Variants in GRIK2 observed in about 807,000 individuals in gnomAD.
GRIK2 encodes the protein glutamate receptor ionotropic, kainate 2.
GRIK2 carries 32 observed loss-of-function variants against 100.3 expected under a neutral mutation model. The observed-to-expected ratio is 0.32, with a 90% CI of 0.24 to 0.43. The LOEUF is 0.43. Ranked by LOEUF, GRIK2 falls within the 20% of genes least tolerant of loss-of-function variation. The probability of loss-of-function intolerance (pLI) is 1.00; values close to 1 mark genes in which losing one functional copy is unlikely to be tolerated. For synonymous variants in GRIK2, 417 were observed against 389.4 expected, an observed-to-expected ratio of 1.07 and a Z score of -0.83; for missense variants, 843 against 1,114.9, an observed-to-expected ratio of 0.76 and a Z score of 3.47.
chr6:101,702,718 G>C (rs1772982927), intron 7 of GRIK2, among the ~76,000 whole-genome samples: 1 of 151,814 alleles, frequency 6.6e-6, no homozygotes, highest in African/African-American at 2.4e-5. Context: ...TTTAGGTGTG[G>C]GGAAGGCCCT....
intron 2 of GRIK2, among the ~76,000 whole-genome samples, chr6:101,436,802 T>G (rs1217582476): frequency 3.3e-5 from 5 of 150,856 alleles, no homozygotes; most frequent in Admixed American, 3.3e-4. Flanking sequence ...TTATTATTTT[T>G]TATTATTATA....
chr6:101,591,286 T>C (rs1778626689), intron 2 of GRIK2, among the ~76,000 whole-genome samples: 1 of 151,728 alleles, frequency 6.6e-6, no homozygotes. Context: ...AGTATTTCTC[T>C]CCTTTTTTTT....
chr6:101,677,968 T>G (rs1435305111), intron 5 of GRIK2, among the ~76,000 whole-genome samples: 1 of 151,920 alleles, frequency 6.6e-6, no homozygotes, highest in African/African-American at 2.4e-5. Context: ...AGTTTTTGGG[T>G]TTTTTTGGCA....
chr6:101,979,128 G>A (rs1793569297), intron 14 of GRIK2, among the ~76,000 whole-genome samples: 1 of 151,948 alleles, frequency 6.6e-6, no homozygotes, highest in African/African-American at 2.4e-5. Context: ...TAATATGATA[G>A]CAAACAAAGG....
At chr6:101,999,536 G>A (rs1274973670) in intron 14 of GRIK2, among the ~76,000 whole-genome samples, 1 of 151,898 alleles carries the variant, frequency 6.6e-6, no homozygotes, top group Admixed American at 6.6e-5. Flanking sequence ...ACAATTGATT[G>A]TTAATAGTGA....
At chr6:101,608,784 GGTGTGTGT>G (rs71689029) in intron 2 of GRIK2, among the ~76,000 whole-genome samples, 12 of 142,042 alleles carry the variant, frequency 8.4e-5, no homozygotes, top group Admixed American at 3.5e-4. Flanking sequence ...CTCATAGAGG[GGTGTGTGT>G]GTGTGTGTGT....
Position 101,750,711 on chromosome 6 carries a change from A to G in GRIK2, c.952-48937A>G, listed in dbSNP as rs181823673. The stretch of plus-strand genomic sequence containing the variant: ...CTTGATTTGGGAAAGTTAGTAGCTG[A>G]ATGCTCAGAGAGAGAGAGAAAGAGA... On this transcript the variant is annotated intron_variant, in intron 7 of 16. Transcript: ENST00000369134. Among the ~76,000 whole-genome samples, 718 of 152,320 alleles carry G rather than the reference A, an allele frequency of 4.7e-3. 5 individuals are homozygous for G. The highest frequency in any genetic ancestry group is 0.027 in the Middle Eastern group (8 of 294).
chr6:101,775,262 G>A (rs188588773), intron 7 of GRIK2, among the ~76,000 whole-genome samples: 12 of 152,214 alleles, frequency 7.9e-5, no homozygotes, highest in Admixed American at 2.6e-4. Flanking sequence ...GGTTTGGAGA[G>A]ACATAGACAT....
chr6:102,015,986 T>C (rs1160952144), intron 14 of GRIK2, among the ~76,000 whole-genome samples: 2 of 151,348 alleles, frequency 1.3e-5, no homozygotes, highest in African/African-American at 4.9e-5. Flanking sequence ...TCAAATAGGA[T>C]AAAAGAAAAA....
intron 7 of GRIK2, among the ~76,000 whole-genome samples, chr6:101,759,616 T>C (rs1397241504): frequency 1.3e-5 from 2 of 152,104 alleles, no homozygotes; most frequent in South Asian, 4.1e-4. Flanking sequence ...GATTCAGCAA[T>C]GGTCATTTGA....
chr6:101,679,466 C>T (rs1019108494), intron 5 of GRIK2, among the ~76,000 whole-genome samples: 2 of 151,912 alleles, frequency 1.3e-5, no homozygotes, highest in African/African-American at 2.4e-5. Flanking sequence ...ATATGACAAC[C>T]GCTTTTATGT....
chr6:101,411,868 A>G (rs1374189621), intron 2 of GRIK2, among the ~76,000 whole-genome samples: 1 of 152,094 alleles, frequency 6.6e-6, no homozygotes, highest in Non-Finnish European at 1.5e-5. Flanking sequence ...AATATGATGT[A>G]TGGTTGTGAG....
intron 10 of GRIK2, among the ~76,000 whole-genome samples, chr6:101,832,336 C>A (rs981754087): frequency 1.6e-4 from 25 of 152,018 alleles, no homozygotes; most frequent in African/African-American, 4.1e-4. Flanking sequence ...AAGAAAAAAA[C>A]CCCAAAACTC....
chr6:101,507,496 T>TA lies in GRIK2; in HGVS notation c.115+108112dup, dbSNP rs772384015. 3.1e-3 allele frequency among the ~76,000 whole-genome samples: 472 copies of TA among 152,040 alleles called. 4 individuals carry two copies. Among genetic ancestry groups the TA allele is most frequent in the African/African-American group, 2.8e-3 (117 of 41,500 alleles). ...ATGTCAATGATTGAGAACTTAGGTT[T>TA]AAAAAAAATTACCTAAATCTTTAAA... is the stretch of plus-strand genomic sequence containing the variant. On this transcript the variant is annotated intron_variant, in intron 2 of 16. Coordinates refer to ENST00000369134, the MANE Select transcript of GRIK2 (RefSeq NM_021956.5).
At chr6:101,669,070 A>G (rs1182185644) in intron 4 of GRIK2, among the ~76,000 whole-genome samples, 4 of 152,198 alleles carry the variant, frequency 2.6e-5, no homozygotes, top group Non-Finnish European at 4.4e-5. Context: ...TCATCTACCA[A>G]AATATAAGGA....
intron 7 of GRIK2, among the ~76,000 whole-genome samples, chr6:101,751,708 C>G (rs1302526439): frequency 6.6e-6 from 1 of 152,172 alleles, no homozygotes; most frequent in African/African-American, 2.4e-5. Flanking sequence ...ATTGCAACCC[C>G]ATGATAATCT....
At chr6:101,549,629 G>A (rs1776413670) in intron 2 of GRIK2, among the ~76,000 whole-genome samples, 1 of 151,948 alleles carries the variant, frequency 6.6e-6, no homozygotes, top group African/African-American at 2.4e-5. Context: ...CCACTTTATG[G>A]ATAAAATTTC....
At chr6:101,675,350 AAG>A (rs1029980124) in intron 4 of GRIK2, among the ~76,000 whole-genome samples, 13 of 152,064 alleles carry the variant, frequency 8.5e-5, no homozygotes, top group Non-Finnish European at 1.8e-4. Context: ...GAGAAGGAAA[AAG>A]AGACAGTTTC....
intron 14 of GRIK2, among the ~76,000 whole-genome samples, chr6:101,954,746 T>C (rs575380361): frequency 1.3e-5 from 2 of 152,316 alleles, no homozygotes; most frequent in African/African-American, 4.8e-5. Flanking sequence ...CAGTATAATG[T>C]TGAATGTAAA....
Sources: allele counts gnomAD v4.1 joint callset (sites outside exome capture counted in the v4.1 genomes callset), GRCh38; gene constraint gnomAD v4.1.1; transcripts MANE v1.5; gene names NCBI Gene and HGNC (gene_info 2026-07-23, HGNC 2026-07-21).